SMCO2: variants seen among roughly 807,000 people sequenced by gnomAD.
The protein encoded by SMCO2 is single-pass membrane protein with coiled-coil domains 2.
A neutral mutation model predicts 29.5 loss-of-function variants in SMCO2; 25 were observed. That is an observed-to-expected ratio of 0.85 (90% CI 0.62 to 1.18). The LOEUF (loss-of-function observed/expected upper bound fraction) is 1.18. Ranked by LOEUF, SMCO2 falls within the 50% of genes most tolerant of loss-of-function variation. The probability of loss-of-function intolerance (pLI) is 0.00; values close to 1 mark genes in which losing one functional copy is unlikely to be tolerated. For missense variants in SMCO2, 348 were observed against 344.5 expected, an observed-to-expected ratio of 1.01 and a Z score of -0.08; for synonymous variants, 117 against 123.3, an observed-to-expected ratio of 0.95 and a Z score of 0.34.
At chr12:27,429,268 A>T in the SMCO2 span, among the ~76,000 whole-genome samples, 1 of 152,120 alleles carries the variant, frequency 6.6e-6, no homozygotes, top group South Asian at 2.1e-4. Context: ...CTAAGAAGAA[A>T]ATAAAAATCA....
At chr12:27,491,612 T>G (rs1949735971) in intron 5 of SMCO2, among the ~76,000 whole-genome samples, 1 of 152,116 alleles carries the variant, frequency 6.6e-6, no homozygotes, top group African/African-American at 2.4e-5. Flanking sequence ...AATATTCTTG[T>G]TACTTGTATC....
At chr12:27,478,363 G>T (rs555285233) in intron 4 of SMCO2, among the ~76,000 whole-genome samples, 8 of 152,224 alleles carry the variant, frequency 5.3e-5, no homozygotes, top group African/African-American at 1.7e-4. Flanking sequence ...ACCAGTGGTG[G>T]TTAGTCTGGG....
the SMCO2 span, among the ~76,000 whole-genome samples, chr12:27,434,584 AAAAC>A: frequency 4.6e-5 from 7 of 152,222 alleles, no homozygotes; most frequent in African/African-American, 1.7e-4. Context: ...ATGTTTCAGG[AAAAC>A]AAACCAACTG....
intron 7 of SMCO2, chr12:27,497,921 AGAGTC>A (rs1943031162): frequency 5.9e-6 from 2 of 340,902 alleles, no homozygotes; most frequent in African/African-American, 4.6e-5. Context: ...TAAAGTAACT[AGAGTC>A]TCCCGTGCTG....
the SMCO2 span, among the ~76,000 whole-genome samples, chr12:27,436,390 T>C: frequency 1.3e-5 from 2 of 152,034 alleles, no homozygotes; most frequent in Admixed American, 6.6e-5. Flanking sequence ...GGGAACCATA[T>C]GGAAAACTAA....
the SMCO2 span, among the ~76,000 whole-genome samples, chr12:27,440,060 C>T: frequency 6.6e-6 from 1 of 152,116 alleles, no homozygotes; most frequent in South Asian, 2.1e-4. Context: ...GGTCAAATTC[C>T]CAAAGGCTAA....
At chr12:27,485,198 T>C (rs988209961) in intron 4 of SMCO2, among the ~76,000 whole-genome samples, 6 of 151,912 alleles carry the variant, frequency 3.9e-5, no homozygotes, top group African/African-American at 1.2e-4. Flanking sequence ...TAAAATTCAC[T>C]AATCTTTTGG....
upstream of SMCO2, among the ~76,000 whole-genome samples, chr12:27,464,599 C>A: frequency 6.6e-6 from 1 of 151,292 alleles, no homozygotes; most frequent in South Asian, 2.1e-4. Context: ...TGCTTGCAGT[C>A]CCAGCTACTC....
chr12:27,464,716 CAAA>C (rs767874837), upstream of SMCO2, among the ~76,000 whole-genome samples: 1 of 46,132 alleles, frequency 2.2e-5, no homozygotes, highest in Admixed American at 2.7e-4. Context: ...GACCCTGTCT[CAAA>C]AAAAAAAAAA....
chr12:27,482,273 A>G (rs1949650340), intron 4 of SMCO2, among the ~76,000 whole-genome samples: 1 of 152,066 alleles, frequency 6.6e-6, no homozygotes, highest in South Asian at 2.1e-4. Flanking sequence ...CCCATGGATT[A>G]TTTTTATATC....
At chr12:27,502,037 G>A (rs1267286834) in exon 8 of SMCO2, 9 of 1,548,098 alleles carry the variant, frequency 5.8e-6, no homozygotes, top group African/African-American at 5.6e-5. Flanking sequence ...TTCTGAGAAT[G>A]CTTGGGTGCC....
At chr12:27,465,028 C>CAAAAAAAAAAAAAAAAAAA (rs35630976), upstream of SMCO2, among the ~76,000 whole-genome samples, 1 of 60,558 alleles carries the variant, frequency 1.7e-5, no homozygotes, top group Non-Finnish European at 3.3e-5. Flanking sequence ...GACCCTGTCT[C>CAAAAAAAAAAAAAAAAAAA]AAAAAAAAAA....
chr12:27,484,324 A>G (rs1467167521), intron 4 of SMCO2, among the ~76,000 whole-genome samples: 4 of 152,186 alleles, frequency 2.6e-5, no homozygotes, highest in African/African-American at 9.7e-5. Flanking sequence ...GGTTGCAGTG[A>G]GCCAAGATCA....
At chr12:27,467,261 G>T (rs1407788144) in intron 1 of SMCO2, among the ~76,000 whole-genome samples, 1 of 152,038 alleles carries the variant, frequency 6.6e-6, no homozygotes, top group African/African-American at 2.4e-5. Context: ...TATAGGATAT[G>T]GGGGAAGGAG....
chr12:27,451,940 A>G, the SMCO2 span, among the ~76,000 whole-genome samples: 2 of 152,050 alleles, frequency 1.3e-5, no homozygotes, highest in African/African-American at 2.4e-5. Flanking sequence ...TTTTATTACC[A>G]CTGTTCAAGT....
intron 4 of SMCO2, 67 bp downstream of exon 4, chr12:27,474,980 G>T (rs1397581385): frequency 2.0e-6 from 3 of 1,506,336 alleles, no homozygotes; most frequent in Non-Finnish European, 2.7e-6. Context: ...AATTTAAGCA[G>T]ATAACTTAGG....
the SMCO2 span, among the ~76,000 whole-genome samples, chr12:27,436,240 AC>A: frequency 6.6e-6 from 1 of 152,160 alleles, no homozygotes; most frequent in Non-Finnish European, 1.5e-5. Flanking sequence ...GGAAACACAA[AC>A]ATTCAGTCTG....
At chr12:27,472,754 G>A (rs1949551719) in intron 2 of SMCO2, 22 bp from the exon 3 acceptor site, 1 of 1,543,142 alleles carries the variant, frequency 6.5e-7, no homozygotes, top group East Asian at 2.4e-5. Context: ...AACAGCCTCT[G>A]TTTGGATTGT....
chr12:27,472,686 A>G (rs983826317), intron 2 of SMCO2, 90 bp from the exon 3 acceptor site: 6 of 899,136 alleles, frequency 6.7e-6, no homozygotes, highest in Non-Finnish European at 1.0e-5. Flanking sequence ...GGAAGATCTC[A>G]GTGTTCTCCC....
Sources: allele counts gnomAD v4.1 joint callset (sites outside exome capture counted in the v4.1 genomes callset), GRCh38; gene constraint gnomAD v4.1.1; transcripts MANE v1.5; gene names NCBI Gene and HGNC (gene_info 2026-07-23, HGNC 2026-07-21).